The following ZC3H12B variants were observed in gnomAD, a reference collection of about 807,000 sequenced individuals.
ZC3H12B encodes the protein probable ribonuclease ZC3H12B.
Under a neutral mutation model 43.9 loss-of-function variants are expected in ZC3H12B, and 7 were observed. The observed-to-expected ratio is 0.16, with a 90% CI of 0.09 to 0.30. ZC3H12B has a LOEUF of 0.30. ZC3H12B is among the 10% of genes least tolerant of loss of function. The probability of loss-of-function intolerance (pLI) is 1.00; values close to 1 mark genes in which losing one functional copy is unlikely to be tolerated. For missense variants in ZC3H12B, 475 were observed against 670.2 expected (o/e 0.71, Z 3.22); for synonymous variants, 222 against 241.7 (o/e 0.92, Z 0.76).
At chrX:65,206,464 G>C in the ZC3H12B span, among the ~76,000 whole-genome samples, 1 of 111,797 alleles carries the variant, frequency 8.9e-6, no homozygotes, top group Non-Finnish European at 1.9e-5. Flanking sequence ...GCCACATGTA[G>C]AAGAATGAAA....
chrX:65,464,108 G>C (rs1196944883), intron 3 of ZC3H12B, among the ~76,000 whole-genome samples: 1 of 112,261 alleles, frequency 8.9e-6, no homozygotes, highest in Non-Finnish European at 1.9e-5. Flanking sequence ...CTCTCTCAAA[G>C]GAGAAAATGT....
At chrX:65,096,742 T>C in the ZC3H12B span, among the ~76,000 whole-genome samples, 3 of 112,032 alleles carry the variant, frequency 2.7e-5, no homozygotes, top group Non-Finnish European at 5.6e-5. Context: ...ATTGAAGAGA[T>C]TTGTAAAAGT....
chrX:65,067,433 G>C, the ZC3H12B span, among the ~76,000 whole-genome samples: 1 of 110,955 alleles, frequency 9.0e-6, no homozygotes, highest in Admixed American at 9.6e-5. Flanking sequence ...GGTGATGTGA[G>C]TCCCTACTCT....
the ZC3H12B span, chrX:65,331,250 A>G: frequency 2.6e-5 from 3 of 115,548 alleles, no homozygotes; most frequent in African/African-American, 6.6e-5. Context: ...GTGATTCACT[A>G]CCTCCTCCTT....
intron 3 of ZC3H12B, among the ~76,000 whole-genome samples, chrX:65,405,196 A>C (rs768786336): frequency 4.5e-5 from 5 of 112,082 alleles, no homozygotes; most frequent in Non-Finnish European, 7.5e-5. Flanking sequence ...CAAAAGCAGT[A>C]CTAAGAGGGA....
chrX:65,314,275 C>G, the ZC3H12B span, among the ~76,000 whole-genome samples: 35 of 110,788 alleles, frequency 3.2e-4, no homozygotes, highest in African/African-American at 1.0e-3. Flanking sequence ...GAAATTTACC[C>G]CAAATTGGTG....
the ZC3H12B span, among the ~76,000 whole-genome samples, chrX:65,113,988 T>TATATATATATAG: frequency 1.1e-4 from 2 of 17,999 alleles, no homozygotes; most frequent in Admixed American, 4.8e-4. Context: ...TATGCTTGTA[T>TATATATATATAG]ATATATATAT....
the ZC3H12B span, among the ~76,000 whole-genome samples, chrX:65,237,120 G>A: frequency 8.9e-6 from 1 of 111,944 alleles, no homozygotes; most frequent in South Asian, 3.7e-4. Flanking sequence ...AGCATTGGAT[G>A]TATAAATTAC....
the ZC3H12B span, among the ~76,000 whole-genome samples, chrX:65,251,310 T>G: frequency 8.9e-6 from 1 of 111,845 alleles, no homozygotes; most frequent in African/African-American, 3.3e-5. Flanking sequence ...TCTGTTTTGG[T>G]ACCAGTACCA....
intron 3 of ZC3H12B, among the ~76,000 whole-genome samples, chrX:65,400,835 T>G (rs1190196136): frequency 8.9e-6 from 1 of 111,954 alleles, no homozygotes; most frequent in African/African-American, 3.2e-5. Flanking sequence ...TGATAATTCA[T>G]CTCAGGGAAG....
At chrX:65,188,021 A>C in the ZC3H12B span, among the ~76,000 whole-genome samples, 1 of 111,158 alleles carries the variant, frequency 9.0e-6, no homozygotes, top group Non-Finnish European at 1.9e-5. Context: ...CAATTGTTTT[A>C]ATTTTTAGCA....
At chrX:65,323,160 T>G in the ZC3H12B span, among the ~76,000 whole-genome samples, 6 of 112,494 alleles carry the variant, frequency 5.3e-5, no homozygotes, top group African/African-American at 1.6e-4. Context: ...CTGATAACTC[T>G]GGCAAGGACT....
the ZC3H12B span, among the ~76,000 whole-genome samples, chrX:65,202,101 T>TACAAATAATATATA: frequency 3.4e-5 from 3 of 88,817 alleles, no homozygotes; most frequent in African/African-American, 1.3e-4. Flanking sequence ...ATATATATAT[T>TACAAATAATATATA]TTATATAATA....
intron 3 of ZC3H12B, among the ~76,000 whole-genome samples, chrX:65,471,987 A>G (rs186826533): frequency 6.9e-4 from 77 of 111,545 alleles, no homozygotes; most frequent in African/African-American, 2.5e-3. Flanking sequence ...CTCCTTTAGC[A>G]TTTCTTGTAG....
At chrX:65,123,041 C>G in the ZC3H12B span, among the ~76,000 whole-genome samples, 1 of 112,016 alleles carries the variant, frequency 8.9e-6, no homozygotes, top group African/African-American at 3.2e-5. Context: ...TTTGCCCATT[C>G]AGTATGATAT....
At chrX:65,448,208 C>T (rs971062996) in intron 3 of ZC3H12B, among the ~76,000 whole-genome samples, 2 of 110,742 alleles carry the variant, frequency 1.8e-5, no homozygotes, top group Non-Finnish European at 3.8e-5. Context: ...GCACTCCAGC[C>T]TGGGTGACAG....
chrX:65,469,343 C>A (rs2067874048), intron 3 of ZC3H12B: 1 of 385,839 alleles, frequency 2.6e-6, no homozygotes, highest in African/African-American at 2.5e-5. Context: ...AGTCTGCCAA[C>A]CTGCTGGTCA....
In ZC3H12B at chrX:65,468,688, C is replaced by T. The variant is rs1415455116; in HGVS notation, n.408-19958C>T. 8.8e-5 allele frequency among the ~76,000 whole-genome samples: 8 copies of T among 91,215 alleles called. No individual in the cohort carries two copies. In the East Asian group the frequency reaches 9.9e-4, roughly 11 times the overall value. The allele number at this position is 91,215 out of a possible 115,157, so 79.2% of individuals were successfully genotyped here. ...TTTTTTTTTGTATTTTTAGTAGAGACGGGGTTTCACTGTGGTCTCGATCTC... is the reference window on the plus strand; with the variant it reads ...TTTTTTTTTGTATTTTTAGTAGAGATGGGGTTTCACTGTGGTCTCGATCTC... On this transcript the variant is annotated intron_variant and non_coding_transcript_variant, in intron 3 of 5. Transcript: ENST00000617377.
the ZC3H12B span, among the ~76,000 whole-genome samples, chrX:65,115,107 A>C: frequency 9.3e-6 from 1 of 107,772 alleles, no homozygotes; most frequent in Non-Finnish European, 1.9e-5. Flanking sequence ...TGATTACATG[A>C]ATAAGTTCTT....
Sources: gnomAD v4.1 joint callset for allele counts (sites outside exome capture counted in the v4.1 genomes callset) on GRCh38, gnomAD v4.1.1 for gene constraint, MANE v1.5 for transcripts, NCBI Gene and HGNC (gene_info 2026-07-23, HGNC 2026-07-21) for gene names.